NTRK3: variants seen among roughly 807,000 people sequenced by gnomAD.
The protein encoded by NTRK3 is NT-3 growth factor receptor.
NTRK3 carries 24 observed loss-of-function variants against 91.7 expected under a neutral mutation model. The observed-to-expected ratio is 0.26, with a 90% confidence interval of 0.19 to 0.37. NTRK3 has a LOEUF of 0.37. Among genes scored for constraint, NTRK3 ranks in the 10% least tolerant of loss-of-function variants. The pLI, the probability that NTRK3 is intolerant of heterozygous loss-of-function variation, is 1.00. For missense variants in NTRK3, 880 were observed against 1,068.9 expected, an observed-to-expected ratio of 0.82 and a Z score of 2.46; for synonymous variants, 483 against 404.0, an observed-to-expected ratio of 1.20 and a Z score of -2.34.
chr15:88,086,000 C>A (rs1454506145), intron 13 of NTRK3, among the ~76,000 whole-genome samples: 6 of 152,224 alleles, frequency 3.9e-5, no homozygotes, highest in Non-Finnish European at 8.8e-5. Context: ...ATCGAGGCAT[C>A]ACAGTCTAAG....
chr15:87,874,139 C>T (rs1431321871), exon 19 of NTRK3: 1 of 227,296 alleles, frequency 4.4e-6, no homozygotes, highest in Non-Finnish European at 8.7e-6. Flanking sequence ...ATGCCACACT[C>T]CCCAGAGCCA....
intron 3 of NTRK3, among the ~76,000 whole-genome samples, chr15:88,245,533 A>T (rs549493175): frequency 6.6e-6 from 1 of 152,322 alleles, no homozygotes; most frequent in East Asian, 1.9e-4. Context: ...GAATTGGTCT[A>T]ACCAAATACC....
At chr15:88,194,301 A>C (rs956456019) in intron 3 of NTRK3, among the ~76,000 whole-genome samples, 5 of 152,068 alleles carry the variant, frequency 3.3e-5, no homozygotes, top group Admixed American at 6.5e-5. Context: ...TGCCAAGGTG[A>C]TCTCCCCCAA....
intron 3 of NTRK3, among the ~76,000 whole-genome samples, chr15:88,231,144 A>T (rs1489442085): frequency 6.6e-6 from 1 of 151,514 alleles, no homozygotes; most frequent in Non-Finnish European, 1.5e-5. Flanking sequence ...GATGTCACAG[A>T]CCTCTCCCCC....
intron 15 of NTRK3, among the ~76,000 whole-genome samples, chr15:87,939,847 A>G (rs1314056559): frequency 1.3e-5 from 2 of 152,202 alleles, no homozygotes; most frequent in Non-Finnish European, 2.9e-5. Flanking sequence ...AATTTGTCCA[A>G]TATTGGTTTA....
At chr15:88,164,810 T>C (rs1227398027) in intron 5 of NTRK3, among the ~76,000 whole-genome samples, 2 of 152,218 alleles carry the variant, frequency 1.3e-5, no homozygotes, top group Non-Finnish European at 2.9e-5. Flanking sequence ...TCACCAACAG[T>C]GTCATTACAC....
intron 10 of NTRK3, among the ~76,000 whole-genome samples, chr15:88,129,647 T>C (rs1217041078): frequency 6.6e-6 from 1 of 152,150 alleles, no homozygotes; most frequent in Admixed American, 6.5e-5. Flanking sequence ...GTACAACATG[T>C]GCCTGGAATG....
In NTRK3 at chr15:87,995,614, G is replaced by A. The variant is rs140946365; in HGVS notation, c.1585+37243C>T. Among the ~76,000 whole-genome samples, 360 of 152,276 alleles carry A rather than the reference G, an allele frequency of 2.4e-3. 2 individuals carry two copies. The highest frequency in any genetic ancestry group is 8.3e-3 in the African/African-American group (345 of 41,558). ...TTTTGGGCAATGGGTGAGTCTTGAA[G>A]GATTTCAAAGAGGGGATGACCAGAG... On this transcript the variant is annotated intron_variant, in intron 14 of 18. Transcript: ENST00000394480.
intron 14 of NTRK3, among the ~76,000 whole-genome samples, chr15:87,976,823 A>G (rs2073761953): frequency 6.6e-6 from 1 of 152,190 alleles, no homozygotes; most frequent in African/African-American, 2.4e-5. Flanking sequence ...TTCCTTGGGC[A>G]AGGTCACTTT....
intron 13 of NTRK3, among the ~76,000 whole-genome samples, chr15:88,097,458 C>A (rs1465286497): frequency 6.6e-6 from 1 of 152,176 alleles, no homozygotes; most frequent in Non-Finnish European, 1.5e-5. Flanking sequence ...GTCTCATACA[C>A]TGATAGAGGC....
chr15:87,969,505 T>A (rs375271892), intron 14 of NTRK3, among the ~76,000 whole-genome samples: 1 of 152,194 alleles, frequency 6.6e-6, no homozygotes, highest in East Asian at 1.9e-4. Flanking sequence ...GTTTTACCAG[T>A]TCAAGGCTGG....
chr15:88,063,717 G>A (rs1269948515), intron 13 of NTRK3, among the ~76,000 whole-genome samples: 5 of 152,168 alleles, frequency 3.3e-5, no homozygotes, highest in Non-Finnish European at 7.3e-5. Flanking sequence ...GCCTGGCACC[G>A]TTTCCATCTC....
At chr15:88,060,589 C>T (rs1180126179) in intron 13 of NTRK3, among the ~76,000 whole-genome samples, 1 of 152,016 alleles carries the variant, frequency 6.6e-6, no homozygotes, top group Non-Finnish European at 1.5e-5. Flanking sequence ...CAAGCCAGGC[C>T]GTGCATGACC....
intron 13 of NTRK3, among the ~76,000 whole-genome samples, chr15:88,048,280 G>C (rs1463100257): frequency 6.6e-6 from 1 of 152,138 alleles, no homozygotes; most frequent in Non-Finnish European, 1.5e-5. Flanking sequence ...AGTGCCAATG[G>C]AAGTGTCAGT....
intron 14 of NTRK3, among the ~76,000 whole-genome samples, chr15:88,012,847 C>T (rs1233315942): frequency 1.3e-5 from 2 of 152,174 alleles, no homozygotes; most frequent in Admixed American, 6.5e-5. Context: ...CTGCTGAATC[C>T]CATGCCCAGA....
intron 3 of NTRK3, among the ~76,000 whole-genome samples, chr15:88,225,638 T>A (rs2050606656): frequency 6.6e-6 from 1 of 152,100 alleles, no homozygotes; most frequent in African/African-American, 2.4e-5. Context: ...CAGTTCCGAT[T>A]CACAAAGCAG....
intron 17 of NTRK3, among the ~76,000 whole-genome samples, chr15:87,903,019 T>C (rs1596167662): frequency 6.6e-6 from 1 of 152,250 alleles, no homozygotes; most frequent in Middle Eastern, 3.4e-3. Context: ...GTGTCTGAAC[T>C]AAAAGCTTTC....
At chr15:87,869,088 A>G in exon 19 of NTRK3, 1 of 228,586 alleles carries the variant, frequency 4.4e-6, no homozygotes, top group Non-Finnish European at 8.7e-6. Context: ...AGTGTTTTTC[A>G]TGCCTTAATT....
At chr15:87,902,406 C>A (rs906814669) in intron 17 of NTRK3, among the ~76,000 whole-genome samples, 4 of 152,192 alleles carry the variant, frequency 2.6e-5, no homozygotes, top group African/African-American at 9.7e-5. Context: ...CAGCATTTGT[C>A]ATCATAATTT....
Sources: gnomAD v4.1 joint callset for allele counts (sites outside exome capture counted in the v4.1 genomes callset) on GRCh38, gnomAD v4.1.1 for gene constraint, MANE v1.5 for transcripts, NCBI Gene and HGNC (gene_info 2026-07-23, HGNC 2026-07-21) for gene names.